Variants in POMT2 observed in about 807,000 individuals in gnomAD.
POMT2 encodes the protein protein O-mannosyltransferase 2.
Under a neutral mutation model 100.0 loss-of-function variants are expected in POMT2, and 75 were observed. That is an observed-to-expected ratio of 0.75 (90% CI 0.62 to 0.91). The LOEUF (loss-of-function observed/expected upper bound fraction) is 0.91. Among genes scored for constraint, POMT2 ranks in the 40% least tolerant of loss-of-function variants. The pLI is 0.00. For missense variants in POMT2, 940 were observed against 955.1 expected (o/e 0.98, Z 0.21); for synonymous variants, 378 against 374.1 (o/e 1.01, Z -0.12).
Position 77,277,313 on chromosome 14 carries a change from A to T in POMT2, c.*63T>A. 7.1e-7 allele frequency: 1 copy of T among 1,405,422 alleles called. No individual in the cohort carries two copies. The highest frequency in any genetic ancestry group is 1.0e-6 in the Non-Finnish European group (1 of 993,990). 87.1% of individuals were successfully genotyped at this position (1,405,422 alleles called of 1,614,324 possible). On this transcript the variant is annotated 3_prime_UTR_variant, in exon 21 of 21. Coordinates refer to ENST00000261534, the MANE Select transcript of POMT2 (RefSeq NM_013382.7). The stretch of plus-strand genomic sequence containing the variant: ...CTTCCTCATGGCCGGATGGTCCAGT[A>T]CTGCTTCCCAGCTGGCTCTCCTGGG...
At chr14:77,293,169 A>G (rs1890699972) in intron 9 of POMT2, among the ~76,000 whole-genome samples, 1 of 152,238 alleles carries the variant, frequency 6.6e-6, no homozygotes, top group African/African-American at 2.4e-5. Context: ...TGAAGTCTAC[A>G]TTCCTGAGAA....
intron 12 of POMT2, 111 bp from the exon 13 acceptor site, chr14:77,285,743 C>G: frequency 8.0e-7 from 1 of 1,253,858 alleles, no homozygotes; most frequent in South Asian, 1.2e-5. Context: ...AGGTCAAAGA[C>G]CAAATTAGGC....
chr14:77,278,271 G>A (rs552291981), intron 20 of POMT2, 123 bp downstream of exon 20: 12 of 854,926 alleles, frequency 1.4e-5, no homozygotes, highest in East Asian at 1.1e-4. Context: ...CTTGGGTGAC[G>A]CAGAACCTCC....
rs953689154 is a variant in POMT2 at position 77,280,098 on chromosome 14, C to T, written c.1726-18G>A. 3.1e-6 allele frequency: 5 copies of T among 1,613,750 alleles called. No homozygotes were observed. The highest frequency in any genetic ancestry group is 4.2e-6 in the Non-Finnish European group (5 of 1,180,022). On this transcript the variant is annotated intron_variant, in intron 16 of 20. Transcript: ENST00000261534. ...CGTAGGCCCTGTGGAATAGAGACCACCCTGCTGACCCAGGCCCAGCCCATC... is the reference window on the plus strand; with the variant it reads ...CGTAGGCCCTGTGGAATAGAGACCATCCTGCTGACCCAGGCCCAGCCCATC...
chr14:77,311,837 C>G, intron 2 of POMT2, 112 bp downstream of exon 2: 1 of 1,482,348 alleles, frequency 6.7e-7, no homozygotes. Flanking sequence ...AAAATTCTTT[C>G]TACAAGTCCC....
chr14:77,288,251 C>A (rs1367251739), intron 11 of POMT2, among the ~76,000 whole-genome samples: 1 of 152,198 alleles, frequency 6.6e-6, no homozygotes, highest in Non-Finnish European at 1.5e-5. Context: ...TTTTTATGCT[C>A]TTAAGAAGTC....
chr14:77,288,496 C>T (rs867588125), intron 11 of POMT2, among the ~76,000 whole-genome samples: 1 of 152,026 alleles, frequency 6.6e-6, no homozygotes, highest in Non-Finnish European at 1.5e-5. Flanking sequence ...CATAGTGAGA[C>T]TCTGTCTCAA....
At chr14:77,316,292 T>C (rs955085879) in intron 1 of POMT2, among the ~76,000 whole-genome samples, 1 of 152,004 alleles carries the variant, frequency 6.6e-6, no homozygotes, top group Non-Finnish European at 1.5e-5. Flanking sequence ...CCTATGGAAA[T>C]AGTACATTCA....
intron 9 of POMT2, among the ~76,000 whole-genome samples, chr14:77,294,325 A>T (rs1171097981): frequency 2.0e-5 from 3 of 151,900 alleles, no homozygotes; most frequent in Non-Finnish European, 4.4e-5. Flanking sequence ...TGATGGTTTT[A>T]TTTTTTTATT....
chr14:77,308,133 T>A (rs1032922518), intron 2 of POMT2, among the ~76,000 whole-genome samples: 1 of 151,886 alleles, frequency 6.6e-6, no homozygotes, highest in Admixed American at 6.6e-5. Context: ...GTGCTGGGAT[T>A]ATAGGCATGA....
At chr14:77,289,202 C>G (rs1044936422) in intron 10 of POMT2, among the ~76,000 whole-genome samples, 1 of 151,836 alleles carries the variant, frequency 6.6e-6, no homozygotes, top group African/African-American at 2.4e-5. Context: ...ACAAGCCTGG[C>G]CAACATGGTG....
intron 5 of POMT2, among the ~76,000 whole-genome samples, chr14:77,302,451 C>G (rs1394389510): frequency 6.6e-6 from 1 of 152,206 alleles, no homozygotes; most frequent in Non-Finnish European, 1.5e-5. Context: ...ATGTGAAGGA[C>G]AGCCCTGTCC....
intron 8 of POMT2, 128 bp downstream of exon 8, chr14:77,298,561 T>C: frequency 1.1e-6 from 1 of 946,750 alleles, no homozygotes; most frequent in Non-Finnish European, 1.7e-6. Context: ...ACCAGATCTA[T>C]CTGGGTCTTT....
rs1272724709 is a variant in POMT2 at position 77,288,784 on chromosome 14, T to C, written c.1231A>G (p.Ile411Val). The C allele has an allele frequency of 3.7e-6, 6 of 1,613,856 alleles. No individual in the cohort carries two copies. Among genetic ancestry groups the C allele is most frequent in the South Asian group, 1.1e-5 (1 of 91,080 alleles). ...FPVEFVRHGD[I>V]IRLEHKETSR... is the part of the protein sequence containing the mutation. ...TACTCTTTGTGTTCTAGTCGAATAATGTCTCCATGTCTTACAAACTCCACT... is the reference window on the plus strand; with the variant it reads ...TACTCTTTGTGTTCTAGTCGAATAACGTCTCCATGTCTTACAAACTCCACT... The change falls in exon 11 of 21, where the codon ATT (isoleucine) becomes GTT (valine). Residue 411 changes from isoleucine (I) to valine (V), a missense_variant. By Grantham distance (29) the Ile-to-Val change is conservative. Coordinates refer to ENST00000261534, the MANE Select transcript of POMT2 (RefSeq NM_013382.7).
At chr14:77,281,398 C>T (rs960576587) in intron 15 of POMT2, among the ~76,000 whole-genome samples, 2 of 152,192 alleles carry the variant, frequency 1.3e-5, no homozygotes, top group Non-Finnish European at 2.9e-5. Context: ...TCCAAGAACA[C>T]ATTTCATCTA....
intron 1 of POMT2, among the ~76,000 whole-genome samples, chr14:77,316,566 T>TAAAAAA (rs60771363): frequency 1.3e-5 from 1 of 77,584 alleles, no homozygotes; most frequent in Non-Finnish European, 2.4e-5. Flanking sequence ...ATCTCATCTC[T>TAAAAAA]AAAAAAAAAA....
At chr14:77,284,122 C>T (rs1342068554) in intron 14 of POMT2, 7 of 515,696 alleles carry the variant, frequency 1.4e-5, no homozygotes, top group Non-Finnish European at 2.5e-5. Flanking sequence ...TCCAACAGCT[C>T]CCAGCACCAT....
rs1434308215 is a variant in POMT2, at chr14:77,278,933, C to G, written c.1892-64G>C. On this transcript the variant is annotated intron_variant, in intron 18 of 20. Transcript: ENST00000261534. ...GCGGGCAGAGATTCCAGGCTCTGGTCCAGCTCTGCCCCTTCCTTGCTGTGT... is the reference window on the plus strand; with the variant it reads ...GCGGGCAGAGATTCCAGGCTCTGGTGCAGCTCTGCCCCTTCCTTGCTGTGT... The G allele has an allele frequency of 3.9e-6, 6 of 1,547,054 alleles. No homozygotes were observed. The South Asian group carries it at 6.9e-5, about 18-fold the overall frequency.
At chr14:77,306,987 G>A (rs938759289) in intron 2 of POMT2, 2 of 167,952 alleles carry the variant, frequency 1.2e-5, no homozygotes, top group African/African-American at 4.8e-5. Flanking sequence ...GCCAGAGGCT[G>A]GTTTCTCCCA....
Sources: gnomAD v4.1 joint callset for allele counts (sites outside exome capture counted in the v4.1 genomes callset) on GRCh38, gnomAD v4.1.1 for gene constraint, MANE v1.5 for transcripts, NCBI Gene and HGNC (gene_info 2026-07-23, HGNC 2026-07-21) for gene names.